The following ERG variants were observed in gnomAD, a reference collection of about 807,000 sequenced individuals.
ERG encodes the protein ETS transcription factor ERG.
In ERG, 9 loss-of-function variants were observed where a neutral mutation model predicts 55.3. The ratio of observed to expected loss-of-function variants is 0.16; its 90% CI spans 0.10 to 0.28. The LOEUF (loss-of-function observed/expected upper bound fraction) is 0.28, where lower values mean the gene tolerates loss of function less well. Ranked by LOEUF, ERG falls within the 10% of genes least tolerant of loss-of-function variation. The pLI is 1.00. For missense variants in ERG, 434 were observed against 631.6 expected (o/e 0.69, Z 3.35); for synonymous variants, 223 against 237.3 (o/e 0.94, Z 0.55).
chr21:38,533,911 A>T (rs2146778269), intron 2 of ERG, among the ~76,000 whole-genome samples: 1 of 152,264 alleles, frequency 6.6e-6, no homozygotes. Context: ...TCATGCACTA[A>T]TCATGGGGAG....
At chr21:38,575,359 G>A (rs980006873) in intron 2 of ERG, among the ~76,000 whole-genome samples, 2 of 152,054 alleles carry the variant, frequency 1.3e-5, no homozygotes, top group South Asian at 2.1e-4. Flanking sequence ...GGTCTTTGTC[G>A]AACCTACTCA....
intron 3 of ERG, among the ~76,000 whole-genome samples, chr21:38,408,633 T>C (rs1331302761): frequency 2.0e-5 from 3 of 152,198 alleles, no homozygotes; most frequent in Non-Finnish European, 4.4e-5. Context: ...GTTTTGGTCC[T>C]AACCTTTTAA....
chr21:38,387,869 C>T (rs961621973), intron 9 of ERG, among the ~76,000 whole-genome samples: 3 of 152,260 alleles, frequency 2.0e-5, no homozygotes, highest in Non-Finnish European at 1.5e-5. Flanking sequence ...GGAGAAGTGA[C>T]GAAATTGGAG....
chr21:38,569,849 A>AT (rs1251781550), intron 2 of ERG, among the ~76,000 whole-genome samples: 1 of 152,106 alleles, frequency 6.6e-6, no homozygotes, highest in East Asian at 1.9e-4. Context: ...ATCATATTGT[A>AT]TGTAATCTGT....
chr21:38,618,658 C>T (rs931783307), intron 1 of ERG, among the ~76,000 whole-genome samples: 2 of 152,154 alleles, frequency 1.3e-5, no homozygotes, highest in Admixed American at 1.3e-4. Context: ...GTAATGTAGC[C>T]ATTCTGTCAA....
At chr21:38,563,524 T>C (rs1397898919) in intron 2 of ERG, among the ~76,000 whole-genome samples, 1 of 152,236 alleles carries the variant, frequency 6.6e-6, no homozygotes, top group Non-Finnish European at 1.5e-5. Flanking sequence ...GCACGTCCTC[T>C]CTGCTATAAA....
At chr21:38,450,840 C>T (rs2058934850) in intron 1 of ERG, 2 of 448,288 alleles carry the variant, frequency 4.5e-6, no homozygotes, top group Non-Finnish European at 4.5e-6. Flanking sequence ...TATCCAATGA[C>T]ATCTTACATT....
At chr21:38,588,217 T>C (rs930844372), upstream of ERG, among the ~76,000 whole-genome samples, 2 of 151,924 alleles carry the variant, frequency 1.3e-5, no homozygotes, top group Non-Finnish European at 2.9e-5. Flanking sequence ...TTTGAGAACA[T>C]TGGTAAGAGT....
Position 38,445,446 on chromosome 21 carries a change from G to A in ERG, c.194C>T (p.Thr65Ile). The A allele has an allele frequency of 6.2e-6, 10 of 1,614,154 alleles. No homozygotes were observed. Among genetic ancestry groups the A allele is most frequent in the Non-Finnish European group, 8.5e-6 (10 of 1,180,014 alleles). Reference protein sequence around the residue: ...DWLSQPPARVTIKMECNPSQV... With the variant: ...DWLSQPPARVIIKMECNPSQV... ...GCTAGGGTTACATTCCATTTTGATG[G>A]TGACCCTGGCTGGGGGTTGAGACAG... Residue 65 changes from threonine to isoleucine, a missense_variant, in exon 2 of 10, where the codon ACC (threonine) becomes ATC (isoleucine). Around this residue, in one of 5 missense-constraint regions of ERG, gnomAD observed 212 missense variants for 262.9 expected, o/e 0.81. Coordinates refer to ENST00000288319, the MANE Select transcript of ERG (RefSeq NM_182918.4).
chr21:38,572,359 C>A, intron 2 of ERG, among the ~76,000 whole-genome samples: 1 of 134,930 alleles, frequency 7.4e-6, no homozygotes, highest in Non-Finnish European at 1.5e-5. Flanking sequence ...CAAAGCGAGA[C>A]TCCATCAAAA....
intron 2 of ERG, among the ~76,000 whole-genome samples, chr21:38,530,026 C>G (rs2059660760): frequency 6.6e-6 from 1 of 152,194 alleles, no homozygotes; most frequent in Admixed American, 6.5e-5. Flanking sequence ...GGGACTTGTC[C>G]TGGAACAGAA....
intron 1 of ERG, among the ~76,000 whole-genome samples, chr21:38,633,871 T>C (rs1207745552): frequency 1.8e-5 from 1 of 54,082 alleles, no homozygotes; most frequent in Non-Finnish European, 3.5e-5. Context: ...TTGGCAGCAG[T>C]TGATATGAAA....
intron 1 of ERG, among the ~76,000 whole-genome samples, chr21:38,494,971 T>G (rs563615485): frequency 6.6e-6 from 1 of 152,372 alleles, no homozygotes; most frequent in South Asian, 2.1e-4. Flanking sequence ...ACTCAGAGCA[T>G]GCTCTGAAAT....
chr21:38,559,383 C>CG (rs1057412459), intron 2 of ERG, among the ~76,000 whole-genome samples: 1 of 92,076 alleles, frequency 1.1e-5, no homozygotes, highest in Non-Finnish European at 1.9e-5. Flanking sequence ...TCCCATTTCC[C>CG]TTTTTTTTTT....
intron 1 of ERG, among the ~76,000 whole-genome samples, chr21:38,605,938 A>G (rs185380358): frequency 1.7e-3 from 263 of 152,056 alleles, no homozygotes; most frequent in African/African-American, 5.0e-3. Flanking sequence ...ACGTAGGTAA[A>G]TAGGTAGATG....
upstream of ERG, among the ~76,000 whole-genome samples, chr21:38,500,557 T>C (rs1021932867): frequency 3.9e-5 from 6 of 152,222 alleles, no homozygotes; most frequent in African/African-American, 1.2e-4. Flanking sequence ...GATTGTCTAC[T>C]GGTGCCAATG....
At chr21:38,556,725 T>C (rs148110499) in intron 2 of ERG, among the ~76,000 whole-genome samples, 1 of 151,826 alleles carries the variant, frequency 6.6e-6, no homozygotes, top group Non-Finnish European at 1.5e-5. Context: ...GGACACAGAG[T>C]GGGGGGAAGG....
chr21:38,640,337 G>A (rs1327528275), intron 1 of ERG, among the ~76,000 whole-genome samples: 1 of 152,180 alleles, frequency 6.6e-6, no homozygotes, highest in Non-Finnish European at 1.5e-5. Flanking sequence ...GAAGGATGGA[G>A]AAACAGGAGA....
rs111698507 is a variant in ERG, at chr21:38,623,193, C to T, written c.-149-38248G>A. ...ACATTACATACACACTAAATACACA[C>T]CACATGCTCATAAATAACACACATC... On this transcript the variant is annotated intron_variant, in intron 1 of 10. Transcript: ENST00000398910. Among the ~76,000 whole-genome samples the T allele has an allele frequency of 2.5e-3, 371 of 150,942 alleles. 1 individual carries two copies. Among genetic ancestry groups the T allele is most frequent in the African/African-American group, 8.3e-3 (340 of 41,054 alleles).
Sources: gnomAD v4.1 joint callset for allele counts (sites outside exome capture counted in the v4.1 genomes callset) on GRCh38, gnomAD v4.1.1 for gene constraint, gnomAD v4.1.1 regional missense constraint, MANE v1.5 for transcripts, NCBI Gene and HGNC (gene_info 2026-07-23, HGNC 2026-07-21) for gene names.